The following LRRC4C variants were observed in gnomAD, a reference collection of about 807,000 sequenced individuals.
The protein encoded by LRRC4C is leucine-rich repeat-containing protein 4C.
LRRC4C carries 5 observed loss-of-function variants against 33.6 expected under a neutral mutation model. The ratio of observed to expected loss-of-function variants is 0.15; its 90% confidence interval spans 0.08 to 0.31. The LOEUF is 0.31. Among genes scored for constraint, LRRC4C ranks in the 10% least tolerant of loss-of-function variants. LRRC4C has a pLI of 1.00. For synonymous variants in LRRC4C, 329 were observed against 302.0 expected (o/e 1.09, Z -0.93); for missense variants, 560 against 796.7 (o/e 0.70, Z 3.58).
chr11:40,740,762 T>G (rs1043349223), intron 2 of LRRC4C, among the ~76,000 whole-genome samples: 1 of 152,088 alleles, frequency 6.6e-6, no homozygotes, highest in Non-Finnish European at 1.5e-5. Context: ...GTTTTAAGAT[T>G]TCAAGTCACA....
intron 3 of LRRC4C, among the ~76,000 whole-genome samples, chr11:40,448,231 T>C (rs562831649): frequency 6.6e-6 from 1 of 152,202 alleles, no homozygotes; most frequent in East Asian, 1.9e-4. Flanking sequence ...GAGATCTTGG[T>C]CTACTCTTCC....
intron 3 of LRRC4C, among the ~76,000 whole-genome samples, chr11:40,333,315 C>T (rs1946443403): frequency 6.6e-6 from 1 of 152,066 alleles, no homozygotes; most frequent in African/African-American, 2.4e-5. Flanking sequence ...GATGCTACAA[C>T]ATATAAAAGT....
rs1321474208 is a variant in LRRC4C, at chr11:40,522,569, G to A, written c.-270+125573C>T. ...TTGATGGCAGCCACTAGCCACATGA[G>A]GATACTAAGCAACTGAAATGTGGCT... On this transcript the variant is annotated intron_variant, in intron 3 of 6. Transcript: ENST00000528697. 4.6e-5 allele frequency among the ~76,000 whole-genome samples: 7 copies of A among 151,972 alleles called. No homozygotes were observed. The East Asian group carries it at 1.4e-3, about 29-fold the overall frequency.
At chr11:40,995,902 A>G (rs1213656521) in intron 1 of LRRC4C, among the ~76,000 whole-genome samples, 1 of 152,142 alleles carries the variant, frequency 6.6e-6, no homozygotes, top group East Asian at 1.9e-4. Flanking sequence ...TGTACAACAT[A>G]CTGAATTTCT....
chr11:41,277,394 C>G (rs985676089), intron 1 of LRRC4C, among the ~76,000 whole-genome samples: 7 of 152,134 alleles, frequency 4.6e-5, no homozygotes, highest in Non-Finnish European at 1.0e-4. Flanking sequence ...GAAGAAGTAT[C>G]TAAGTATATT....
intron 2 of LRRC4C, among the ~76,000 whole-genome samples, chr11:40,814,531 G>T (rs546988851): frequency 6.6e-6 from 1 of 152,188 alleles, no homozygotes; most frequent in South Asian, 2.1e-4. Context: ...TTTCTCCATT[G>T]TCTTGGTGAT....
In LRRC4C at chr11:41,034,475, G is replaced by GTA. The variant is rs544312548; in HGVS notation, c.-495-100754_-495-100753dup. Among the ~76,000 whole-genome samples, 905 of 142,190 alleles carry GTA rather than the reference G, an allele frequency of 6.4e-3. 5 individuals are homozygous for GTA. Among genetic ancestry groups the GTA allele is most frequent in the African/African-American group, 0.015 (600 of 38,732 alleles). 93.3% of individuals were successfully genotyped at this position (142,190 alleles called of 152,430 possible). Reference sequence around the variant, plus strand: ...ACACACACCATATATATATATGTGTGTATATATATATATACACATATATAT... The same window carrying GTA: ...ACACACACCATATATATATATGTGTGTATATATATATATATACACATATATAT... On this transcript the variant is annotated intron_variant, in intron 1 of 6. Transcript: ENST00000528697.
intron 2 of LRRC4C, among the ~76,000 whole-genome samples, chr11:40,797,324 G>A (rs534497506): frequency 6.6e-6 from 1 of 152,164 alleles, no homozygotes; most frequent in East Asian, 1.9e-4. Flanking sequence ...GAAAGGTTAG[G>A]TGTTACTGTG....
intron 1 of LRRC4C, among the ~76,000 whole-genome samples, chr11:41,296,190 C>T (rs1043140113): frequency 1.3e-5 from 2 of 152,174 alleles, no homozygotes; most frequent in Non-Finnish European, 2.9e-5. Context: ...ACCAATATTG[C>T]ATTGCAGAAC....
At chr11:40,354,539 C>T (rs1458196045) in intron 3 of LRRC4C, among the ~76,000 whole-genome samples, 1 of 152,166 alleles carries the variant, frequency 6.6e-6, no homozygotes, top group Non-Finnish European at 1.5e-5. Flanking sequence ...TGAGCTGGCA[C>T]CCAAGCTGCA....
chr11:41,338,492 G>C (rs1203000608), intron 1 of LRRC4C, among the ~76,000 whole-genome samples: 4 of 152,044 alleles, frequency 2.6e-5, no homozygotes, highest in Non-Finnish European at 5.9e-5. Flanking sequence ...GAGCTGAACA[G>C]TGAGAACACA....
chr11:40,615,238 T>A (rs929127569), intron 3 of LRRC4C, among the ~76,000 whole-genome samples: 5 of 88,146 alleles, frequency 5.7e-5, no homozygotes, highest in African/African-American at 1.6e-4. Context: ...TTGATTTATT[T>A]TATATATATA....
intron 3 of LRRC4C, among the ~76,000 whole-genome samples, chr11:40,390,911 T>G (rs1193371685): frequency 2.6e-5 from 4 of 152,162 alleles, no homozygotes; most frequent in Non-Finnish European, 5.9e-5. Context: ...AGACAGAGTG[T>G]TGCTCTGTCA....
At chr11:40,710,755 T>A (rs1266062706) in intron 2 of LRRC4C, among the ~76,000 whole-genome samples, 1 of 152,154 alleles carries the variant, frequency 6.6e-6, no homozygotes, top group Non-Finnish European at 1.5e-5. Flanking sequence ...GACATTTAAG[T>A]CTGTAGAAGT....
intron 1 of LRRC4C, among the ~76,000 whole-genome samples, chr11:41,152,030 T>TA (rs1222630304): frequency 1.3e-5 from 2 of 152,172 alleles, no homozygotes; most frequent in Admixed American, 6.5e-5. Context: ...TCTCTGTTTT[T>TA]ATCTGTGAAC....
chr11:41,357,123 A>G (rs1052924557), intron 1 of LRRC4C, among the ~76,000 whole-genome samples: 34 of 152,238 alleles, frequency 2.2e-4, no homozygotes, highest in African/African-American at 7.9e-4. Flanking sequence ...AGGCCAATTT[A>G]AAAAGAAAGA....
chr11:40,841,953 C>T (rs1350163596), intron 2 of LRRC4C, among the ~76,000 whole-genome samples: 1 of 152,148 alleles, frequency 6.6e-6, no homozygotes, highest in Non-Finnish European at 1.5e-5. Flanking sequence ...TTCATCTTCT[C>T]TTATTGGTAC....
chr11:40,391,885 A>G (rs1288931994), intron 3 of LRRC4C, among the ~76,000 whole-genome samples: 1 of 152,232 alleles, frequency 6.6e-6, no homozygotes, highest in Non-Finnish European at 1.5e-5. Flanking sequence ...CTAAAATTGG[A>G]AACAATCAAG....
chr11:40,637,717 C>T (rs1472883484), intron 3 of LRRC4C, among the ~76,000 whole-genome samples: 2 of 152,148 alleles, frequency 1.3e-5, no homozygotes, highest in African/African-American at 4.8e-5. Flanking sequence ...CAGTTCTTAC[C>T]ACTTTCACAT....
Sources: gnomAD v4.1 joint callset for allele counts (sites outside exome capture counted in the v4.1 genomes callset) on GRCh38, gnomAD v4.1.1 for gene constraint, MANE v1.5 for transcripts, NCBI Gene and HGNC (gene_info 2026-07-23, HGNC 2026-07-21) for gene names.